Variants in AGBL4 observed in about 807,000 individuals in gnomAD.
AGBL4 encodes cytosolic carboxypeptidase 6.
A neutral mutation model predicts 66.4 loss-of-function variants in AGBL4; 58 were observed. The observed-to-expected ratio is 0.87, with a 90% CI of 0.71 to 1.09. AGBL4 has a LOEUF of 1.09. Among genes scored for constraint, AGBL4 ranks in the 50% least tolerant of loss-of-function variants. AGBL4 has a pLI of 0.00. For missense variants in AGBL4, 579 were observed against 631.0 expected (o/e 0.92, Z 0.88); for synonymous variants, 234 against 222.9 (o/e 1.05, Z -0.44).
intron 2 of AGBL4, among the ~76,000 whole-genome samples, chr1:49,840,521 A>G (rs1219943256): frequency 6.6e-6 from 1 of 152,202 alleles, no homozygotes; most frequent in Admixed American, 6.5e-5. Flanking sequence ...TCATTCTATG[A>G]AGCCACTCTC....
At chr1:48,650,364 G>A (rs550006052) in intron 8 of AGBL4, among the ~76,000 whole-genome samples, 52 of 152,284 alleles carry the variant, frequency 3.4e-4, no homozygotes, top group Admixed American at 2.0e-3. Context: ...CTGGCCACCC[G>A]TCTTCCAACA....
intron 9 of AGBL4, among the ~76,000 whole-genome samples, chr1:48,605,646 C>T (rs1645143835): frequency 6.6e-6 from 1 of 152,192 alleles, no homozygotes; most frequent in African/African-American, 2.4e-5. Flanking sequence ...ACATTGTCTT[C>T]ATTTTAATAG....
intron 11 of AGBL4, among the ~76,000 whole-genome samples, chr1:48,555,350 A>G (rs55933896): frequency 0.058 from 8,882 of 152,266 alleles, 265 homozygotes; most frequent in South Asian, 0.099. Flanking sequence ...TAAACCAACC[A>G]ACAAATACAG....
At chr1:49,411,311 T>C (rs1206244823) in intron 3 of AGBL4, among the ~76,000 whole-genome samples, 1 of 152,216 alleles carries the variant, frequency 6.6e-6, no homozygotes, top group African/African-American at 2.4e-5. Flanking sequence ...AAGCCAGTTT[T>C]ATCCCACCTT....
chr1:49,860,422 G>T (rs1646539557), intron 1 of AGBL4, among the ~76,000 whole-genome samples: 1 of 152,350 alleles, frequency 6.6e-6, no homozygotes, highest in African/African-American at 2.4e-5. Flanking sequence ...ATGAGTCTGG[G>T]CTCAGTGGCT....
Position 49,629,619 on chromosome 1 carries a change from G to C in AGBL4, c.282+67694C>G, listed in dbSNP as rs569794283. Among the ~76,000 whole-genome samples the C allele has an allele frequency of 3.3e-5, 5 of 152,236 alleles. No individual in the cohort carries two copies. The South Asian group carries it at 1.0e-3, about 32-fold the overall frequency. On this transcript the variant is annotated intron_variant, in intron 3 of 13. Coordinates refer to ENST00000371839, the MANE Select transcript of AGBL4 (RefSeq NM_032785.4). Reference sequence around the variant, plus strand: ...TCCGCTCTAACAGAGGCTCCACGATGATATTTCGGGTCATTGAATATAATC... The same window carrying C: ...TCCGCTCTAACAGAGGCTCCACGATCATATTTCGGGTCATTGAATATAATC...
At chr1:48,749,243 C>G (rs570077905) in intron 6 of AGBL4, among the ~76,000 whole-genome samples, 12 of 151,778 alleles carry the variant, frequency 7.9e-5, no homozygotes, top group Non-Finnish European at 1.8e-4. Flanking sequence ...CTCTTTTTTT[C>G]TCTCTGTAGC....
At chr1:48,538,581 C>T (rs1165819417) in intron 12 of AGBL4, among the ~76,000 whole-genome samples, 1 of 152,034 alleles carries the variant, frequency 6.6e-6, no homozygotes, top group Non-Finnish European at 1.5e-5. Flanking sequence ...AACCCTGGCT[C>T]TCCCAAAAAC....
At chr1:48,602,074 AC>A (rs1330217301) in intron 9 of AGBL4, among the ~76,000 whole-genome samples, 1 of 152,194 alleles carries the variant, frequency 6.6e-6, no homozygotes, top group South Asian at 2.1e-4. Context: ...ACCCTCAGGC[AC>A]ATATTTAGGA....
chr1:48,716,022 G>T (rs981934883), intron 6 of AGBL4, among the ~76,000 whole-genome samples: 1 of 152,200 alleles, frequency 6.6e-6, no homozygotes, highest in African/African-American at 2.4e-5. Flanking sequence ...GCCATGATTT[G>T]CTTCTAACTT....
intron 3 of AGBL4, among the ~76,000 whole-genome samples, chr1:49,519,623 C>A (rs1188799961): frequency 4.6e-5 from 7 of 152,074 alleles, no homozygotes; most frequent in African/African-American, 1.7e-4. Flanking sequence ...CTTTTTTATA[C>A]CTTAGGATTC....
chr1:49,224,598 C>T (rs935799827), intron 4 of AGBL4, among the ~76,000 whole-genome samples: 1 of 125,468 alleles, frequency 8.0e-6, no homozygotes, highest in Non-Finnish European at 1.6e-5. Flanking sequence ...GCCTTGGCAA[C>T]AGAGCGAGAC....
chr1:48,744,997 G>A (rs1570463371), intron 6 of AGBL4, among the ~76,000 whole-genome samples: 1 of 22,228 alleles, frequency 4.5e-5, no homozygotes, highest in Admixed American at 4.0e-4. Context: ...CTCCCAGGTA[G>A]GGGGGGTCTC....
intron 6 of AGBL4, among the ~76,000 whole-genome samples, chr1:48,746,338 C>A (rs1381858616): frequency 6.6e-6 from 1 of 152,154 alleles, no homozygotes; most frequent in African/African-American, 2.4e-5. Context: ...GAAACAGAGG[C>A]CCTGCTGTTC....
At chr1:49,894,193 A>G (rs1176138633) in intron 1 of AGBL4, among the ~76,000 whole-genome samples, 1 of 152,184 alleles carries the variant, frequency 6.6e-6, no homozygotes, top group African/African-American at 2.4e-5. Context: ...ATGCAGACAC[A>G]GCTTAGATCA....
At chr1:49,845,971 T>C (rs1365352317) in intron 2 of AGBL4, 1 of 1,570,208 alleles carries the variant, frequency 6.4e-7, no homozygotes, top group Non-Finnish European at 8.8e-7. Context: ...TCACCAAACA[T>C]CAGCGAAACC....
At chr1:48,757,061 C>T (rs531464177) in intron 6 of AGBL4, among the ~76,000 whole-genome samples, 1 of 152,216 alleles carries the variant, frequency 6.6e-6, no homozygotes, top group African/African-American at 2.4e-5. Context: ...GTCTTACCAC[C>T]CCAGAGGCTT....
intron 1 of AGBL4, among the ~76,000 whole-genome samples, chr1:49,952,963 C>A (rs1310850024): frequency 6.6e-6 from 1 of 151,896 alleles, no homozygotes; most frequent in African/African-American, 2.4e-5. Context: ...GAATGCATGT[C>A]TCTGAGATAT....
chr1:48,647,571 A>C (rs1312812128), intron 8 of AGBL4: 6 of 449,210 alleles, frequency 1.3e-5, no homozygotes, highest in Middle Eastern at 3.3e-4. Context: ...CTGTTTACTT[A>C]TACGTGGCTC....
Sources: gnomAD v4.1 joint callset for allele counts (sites outside exome capture counted in the v4.1 genomes callset) on GRCh38, gnomAD v4.1.1 for gene constraint, MANE v1.5 for transcripts, NCBI Gene and HGNC (gene_info 2026-07-23, HGNC 2026-07-21) for gene names.